The following CLNK variants were observed in gnomAD, a reference collection of about 807,000 sequenced individuals.
The protein encoded by CLNK is cytokine-dependent hematopoietic cell linker.
A neutral mutation model predicts 68.6 loss-of-function variants in CLNK; 74 were observed. The ratio of observed to expected loss-of-function variants is 1.08; its 90% CI spans 0.89 to 1.31. The LOEUF is 1.31. CLNK is among the 50% of genes most tolerant of loss of function. The pLI is 0.00. For missense variants in CLNK, 553 were observed against 515.3 expected (o/e 1.07, Z -0.71); for synonymous variants, 198 against 172.2 (o/e 1.15, Z -1.17).
At chr4:10,733,343 C>T in the CLNK span, among the ~76,000 whole-genome samples, 1 of 152,284 alleles carries the variant, frequency 6.6e-6, no homozygotes, top group African/African-American at 2.4e-5. Flanking sequence ...CCCTTCACTG[C>T]CCGTTCAGAT....
At chr4:10,516,046 C>T (rs1717822185) in intron 15 of CLNK, among the ~76,000 whole-genome samples, 2 of 151,916 alleles carry the variant, frequency 1.3e-5, no homozygotes. Context: ...CATGTCTTTC[C>T]AGTCAATAAT....
At chr4:10,540,663 G>A (rs762416660) in intron 10 of CLNK, 59 bp from the exon 11 acceptor site, 21 of 1,186,966 alleles carry the variant, frequency 1.8e-5, no homozygotes, top group Non-Finnish European at 2.6e-5. Flanking sequence ...GATGCCTCAG[G>A]CCCTGAATCC....
At chr4:10,702,083 C>T in the CLNK span, among the ~76,000 whole-genome samples, 3 of 152,112 alleles carry the variant, frequency 2.0e-5, no homozygotes, top group African/African-American at 4.8e-5. Flanking sequence ...CATGTAAAGA[C>T]GTCCCTAGTT....
At chr4:10,535,184 T>C (rs893318549) in intron 11 of CLNK, among the ~76,000 whole-genome samples, 2 of 90,164 alleles carry the variant, frequency 2.2e-5, no homozygotes, top group African/African-American at 8.3e-5. Flanking sequence ...GAGACCCCTG[T>C]CTCTACTTAA....
chr4:10,643,671 C>T (rs1723402219), intron 2 of CLNK, among the ~76,000 whole-genome samples: 1 of 152,232 alleles, frequency 6.6e-6, no homozygotes, highest in South Asian at 2.1e-4. Context: ...GTCACACTAT[C>T]ACACTTTCTA....
At chr4:10,503,977 T>G (rs990630067) in intron 17 of CLNK, among the ~76,000 whole-genome samples, 3 of 151,178 alleles carry the variant, frequency 2.0e-5, no homozygotes, top group Non-Finnish European at 2.9e-5. Context: ...GAGACGGGGT[T>G]TCACCATGTT....
rs146248938 is a variant in CLNK, at chr4:10,554,230, A to G, written c.445+4177T>C. On this transcript the variant is annotated intron_variant, in intron 8 of 18. Transcript: ENST00000226951. Reference sequence around the variant, plus strand: ...ATTCCAGTGAACACCCCAACATTACAAGGAAAAGAAAAAGTGCTTTTCATT... The same window carrying G: ...ATTCCAGTGAACACCCCAACATTACGAGGAAAAGAAAAAGTGCTTTTCATT... 5.2e-3 allele frequency among the ~76,000 whole-genome samples: 785 copies of G among 152,302 alleles called. 6 individuals are homozygous for G. Among genetic ancestry groups the G allele is most frequent in the African/African-American group, 0.019 (772 of 41,564 alleles).
intron 2 of CLNK, among the ~76,000 whole-genome samples, chr4:10,601,044 ACT>A (rs1464957448): frequency 6.6e-6 from 1 of 152,136 alleles, no homozygotes; most frequent in African/African-American, 2.4e-5. Context: ...CTGGACTCAA[ACT>A]CTCTTTTTAT....
chr4:10,673,032 C>T lies in CLNK; in HGVS notation c.-42-5121G>A, dbSNP rs558796839. ...CGGAATGTTTTTAAAAAACCTATCA[C>T]ATCCAAAGATTTTAACAATTTGATC... is the stretch of plus-strand genomic sequence containing the variant. On this transcript the variant is annotated intron_variant, in intron 1 of 18. Coordinates refer to ENST00000226951, the MANE Select transcript of CLNK (RefSeq NM_052964.4). Among the ~76,000 whole-genome samples, 3 of 152,310 alleles carry T rather than the reference C, an allele frequency of 2.0e-5. No individual in the cohort carries two copies. In the Middle Eastern group the frequency reaches 0.01, roughly 518 times the overall value.
intron 2 of CLNK, among the ~76,000 whole-genome samples, chr4:10,652,112 A>T (rs1723766195): frequency 6.6e-6 from 1 of 152,042 alleles, no homozygotes; most frequent in Non-Finnish European, 1.5e-5. Context: ...CAGGTGCAGT[A>T]GCTCATGCCT....
chr4:10,648,487 T>G (rs1168841531), intron 2 of CLNK, among the ~76,000 whole-genome samples: 5 of 152,226 alleles, frequency 3.3e-5, no homozygotes, highest in Non-Finnish European at 7.3e-5. Flanking sequence ...TTTCAAGGCT[T>G]AATCTCTTCT....
chr4:10,683,333 C>T (rs1401851007), intron 1 of CLNK, among the ~76,000 whole-genome samples: 1 of 152,162 alleles, frequency 6.6e-6, no homozygotes, highest in Non-Finnish European at 1.5e-5. Context: ...TAAGCACTGG[C>T]TTTCAAATGG....
intron 14 of CLNK, among the ~76,000 whole-genome samples, chr4:10,524,699 T>C (rs1374146815): frequency 6.6e-6 from 1 of 152,190 alleles, no homozygotes. Flanking sequence ...CCCAGCTTCA[T>C]GTTTTTCATC....
chr4:10,671,822 C>A (rs1282023898), intron 1 of CLNK, among the ~76,000 whole-genome samples: 1 of 152,146 alleles, frequency 6.6e-6, no homozygotes, highest in Non-Finnish European at 1.5e-5. Context: ...TACCCTGATC[C>A]ATTTCCAAGA....
chr4:10,593,453 G>A (rs1386061022), intron 3 of CLNK, among the ~76,000 whole-genome samples: 1 of 152,028 alleles, frequency 6.6e-6, no homozygotes, highest in Non-Finnish European at 1.5e-5. Flanking sequence ...TCAGGAGTTC[G>A]AGACCAGCCT....
intron 2 of CLNK, among the ~76,000 whole-genome samples, chr4:10,635,624 A>C (rs1031188704): frequency 2.0e-5 from 3 of 152,168 alleles, no homozygotes; most frequent in Non-Finnish European, 4.4e-5. Context: ...ATGTCCTTTA[A>C]ATCTTTGCAT....
At chr4:10,558,542 G>C in intron 7 of CLNK, 90 bp from the exon 8 acceptor site, 1 of 1,258,266 alleles carries the variant, frequency 7.9e-7, no homozygotes. Flanking sequence ...AGGTTCCCAA[G>C]GATAAAGCCG....
At chr4:10,519,491 T>C (rs1717972793) in intron 15 of CLNK, among the ~76,000 whole-genome samples, 1 of 152,212 alleles carries the variant, frequency 6.6e-6, no homozygotes, top group African/African-American at 2.4e-5. Flanking sequence ...GATCTGACCT[T>C]TAGGACTCCC....
chr4:10,528,608 G>A (rs1176337607), intron 12 of CLNK, among the ~76,000 whole-genome samples: 1 of 152,150 alleles, frequency 6.6e-6, no homozygotes, highest in East Asian at 1.9e-4. Context: ...TATTTATGTA[G>A]AGAATGAAAT....
Sources: gnomAD v4.1 joint callset for allele counts (sites outside exome capture counted in the v4.1 genomes callset) on GRCh38, gnomAD v4.1.1 for gene constraint, MANE v1.5 for transcripts, NCBI Gene and HGNC (gene_info 2026-07-23, HGNC 2026-07-21) for gene names.